Variants in MYPN observed in about 807,000 individuals in gnomAD.
The protein encoded by MYPN is myopalladin, also known as sarcomeric protein myopalladin, 145 kDa (MYOP).
In MYPN, 63 loss-of-function variants were observed where a neutral mutation model predicts 129.4. The observed-to-expected ratio is 0.49, with a 90% CI of 0.40 to 0.60. The LOEUF (loss-of-function observed/expected upper bound fraction) is 0.60, where lower values mean the gene tolerates loss of function less well. Ranked by LOEUF, MYPN falls within the 20% of genes least tolerant of loss-of-function variation. The pLI, the probability that MYPN is intolerant of heterozygous loss-of-function variation, is 0.00. For synonymous variants in MYPN, 629 were observed against 600.9 expected (o/e 1.05, Z -0.68); for missense variants, 1,596 against 1,635.4 (o/e 0.98, Z 0.42).
At chr10:68,167,211 GA>G (rs1427051262) in intron 10 of MYPN, among the ~76,000 whole-genome samples, 2 of 152,212 alleles carry the variant, frequency 1.3e-5, no homozygotes, top group Admixed American at 6.5e-5. Context: ...ACATTTGTCT[GA>G]CATTCTGACA....
intron 9 of MYPN, among the ~76,000 whole-genome samples, 196 bp from the exon 10 acceptor site, chr10:68,166,098 T>A (rs1344046651): frequency 6.6e-6 from 1 of 152,240 alleles, no homozygotes; most frequent in African/African-American, 2.4e-5. Context: ...ACTTAGATTT[T>A]AAATTTAGTT....
chr10:68,189,644 C>G (rs889580731), intron 13 of MYPN, among the ~76,000 whole-genome samples: 1 of 152,234 alleles, frequency 6.6e-6, no homozygotes, highest in African/African-American at 2.4e-5. Context: ...GCTTACTTCA[C>G]TTAACATAAC....
intron 12 of MYPN, among the ~76,000 whole-genome samples, chr10:68,182,465 C>CAT (rs372702266): frequency 0.34 from 29,892 of 88,002 alleles, 5,065 homozygotes; most frequent in Non-Finnish European, 0.39. Flanking sequence ...ATATATATAA[C>CAT]ATATATACAC....
At chr10:68,173,388 A>C (rs76660060) in intron 10 of MYPN, among the ~76,000 whole-genome samples, 3,914 of 152,226 alleles carry the variant, frequency 0.026, 88 homozygotes, top group African/African-American at 0.058. Flanking sequence ...CACTGCCTAC[A>C]AGAGAAACAT....
intron 2 of MYPN, among the ~76,000 whole-genome samples, chr10:68,134,430 A>G (rs756246574): frequency 1.2e-4 from 18 of 152,204 alleles, no homozygotes; most frequent in Non-Finnish European, 2.4e-4. Flanking sequence ...AAGTAATTTA[A>G]TGTTTAAAAA....
chr10:68,191,384 A>G (rs1399544291), intron 13 of MYPN, among the ~76,000 whole-genome samples: 3 of 151,792 alleles, frequency 2.0e-5, no homozygotes, highest in Non-Finnish European at 4.4e-5. Flanking sequence ...TGCCTGGCTA[A>G]TTTTTGTACC....
At chr10:68,099,224 G>A (rs2041971081) in intron 1 of MYPN, among the ~76,000 whole-genome samples, 1 of 152,136 alleles carries the variant, frequency 6.6e-6, no homozygotes, top group Non-Finnish European at 1.5e-5. Context: ...AATTAATAAT[G>A]TCAACTTGAA....
chr10:68,124,438 A>T (rs959051436), intron 2 of MYPN, among the ~76,000 whole-genome samples: 21 of 152,228 alleles, frequency 1.4e-4, no homozygotes, highest in African/African-American at 5.1e-4. Flanking sequence ...ATTCCATAAT[A>T]TTCAATTATA....
intron 19 of MYPN, among the ~76,000 whole-genome samples, chr10:68,208,092 ATC>A (rs1418772143): frequency 8.5e-5 from 13 of 152,324 alleles, no homozygotes; most frequent in South Asian, 8.3e-4. Flanking sequence ...TGTGTGCTCA[ATC>A]CTACACTTTT....
intron 13 of MYPN, among the ~76,000 whole-genome samples, chr10:68,191,658 G>A (rs1373797087): frequency 1.3e-5 from 2 of 152,152 alleles, no homozygotes; most frequent in African/African-American, 4.8e-5. Flanking sequence ...TTCCATTTGT[G>A]TGTGTGTGCC....
At chr10:68,111,109 C>A (rs2042075366) in intron 1 of MYPN, among the ~76,000 whole-genome samples, 1 of 152,188 alleles carries the variant, frequency 6.6e-6, no homozygotes, top group Non-Finnish European at 1.5e-5. Context: ...TTCAGTAGAA[C>A]AGACACAGAA....
At chr10:68,175,023 G>C (rs1173181598) in intron 11 of MYPN, among the ~76,000 whole-genome samples, 3 of 152,092 alleles carry the variant, frequency 2.0e-5, no homozygotes, top group African/African-American at 7.2e-5. Flanking sequence ...TGTAATCCCA[G>C]CTACTCAGGA....
At chr10:68,177,580 A>C (rs1163851620) in intron 12 of MYPN, among the ~76,000 whole-genome samples, 2 of 152,222 alleles carry the variant, frequency 1.3e-5, no homozygotes, top group Admixed American at 1.3e-4. Flanking sequence ...CGGAAATGAT[A>C]GTAAAAACAT....
chr10:68,117,461 T>C (rs2042174965), intron 1 of MYPN, among the ~76,000 whole-genome samples: 1 of 151,884 alleles, frequency 6.6e-6, no homozygotes, highest in Non-Finnish European at 1.5e-5. Context: ...ATTGGAGAGG[T>C]ACCCAACTCA....
chr10:68,115,123 G>T (rs1352618070), intron 1 of MYPN, among the ~76,000 whole-genome samples: 1 of 152,016 alleles, frequency 6.6e-6, no homozygotes, highest in African/African-American at 2.4e-5. Flanking sequence ...GCCAGGGGTG[G>T]TGGCACGCGC....
intron 1 of MYPN, among the ~76,000 whole-genome samples, chr10:68,092,382 C>T (rs1179415299): frequency 1.3e-5 from 2 of 151,860 alleles, no homozygotes; most frequent in African/African-American, 4.8e-5. Flanking sequence ...GTTATCCCAG[C>T]TACTCGGGAG....
chr10:68,089,220 CAG>C (rs2041919735), intron 1 of MYPN, among the ~76,000 whole-genome samples: 3 of 152,050 alleles, frequency 2.0e-5, no homozygotes, highest in African/African-American at 7.2e-5. Context: ...TTAGTAGAGA[CAG>C]GGTTTTGCCA....
At position 68,206,819 on chromosome 10, in the gene MYPN, A is replaced by G. The variant is rs1176655367; in HGVS notation, c.3709A>G (p.Lys1237Glu). ...TGCCTGCCTTCTCATTCAGCCAGCCAAGAAATCAGACGCTGGATGGTACAC... is the reference window on the plus strand; with the variant it reads ...TGCCTGCCTTCTCATTCAGCCAGCCGAGAAATCAGACGCTGGATGGTACAC... ...GYACLLIQPAKKSDAGWYTLS... is the reference protein window; with the variant it reads ...GYACLLIQPAEKSDAGWYTLS... The change falls in exon 19 of 20, where the codon AAG becomes GAG. Residue 1237 changes from lysine to glutamate, a missense_variant. Transcript: ENST00000358913. 6.8e-6 allele frequency: 11 copies of G among 1,614,234 alleles called. No homozygotes were observed. The highest frequency in any genetic ancestry group is 9.3e-6 in the Non-Finnish European group (11 of 1,180,032).
intron 6 of MYPN, among the ~76,000 whole-genome samples, chr10:68,157,218 G>GT (rs2042890811): frequency 6.6e-6 from 1 of 152,190 alleles, no homozygotes; most frequent in African/African-American, 2.4e-5. Flanking sequence ...GACATTGACT[G>GT]TATGTGTGAC....
Sources: gnomAD v4.1 joint callset for allele counts (sites outside exome capture counted in the v4.1 genomes callset) on GRCh38, gnomAD v4.1.1 for gene constraint, MANE v1.5 for transcripts, NCBI Gene and HGNC (gene_info 2026-07-23, HGNC 2026-07-21) for gene names.